The following DPY19L4 variants were observed in gnomAD, a reference collection of about 807,000 sequenced individuals.
DPY19L4 encodes the protein probable C-mannosyltransferase DPY19L4.
A neutral mutation model predicts 102.8 loss-of-function variants in DPY19L4; 97 were observed. The ratio of observed to expected loss-of-function variants is 0.94; its 90% CI spans 0.80 to 1.12. The LOEUF (loss-of-function observed/expected upper bound fraction) is 1.12, where lower values mean the gene tolerates loss of function less well. Ranked by LOEUF, DPY19L4 falls within the 50% of genes most tolerant of loss-of-function variation. DPY19L4 has a pLI of 0.00. For synonymous variants in DPY19L4, 252 were observed against 283.1 expected, an observed-to-expected ratio of 0.89 and a Z score of 1.10; for missense variants, 815 against 850.4, an observed-to-expected ratio of 0.96 and a Z score of 0.52.
At chr8:94,753,787 G>A (rs896898681) in intron 6 of DPY19L4, among the ~76,000 whole-genome samples, 4 of 152,088 alleles carry the variant, frequency 2.6e-5, no homozygotes, top group East Asian at 1.9e-4. Flanking sequence ...CAGGAGAATC[G>A]CTTGAACCTT....
In DPY19L4 at chr8:94,791,175, G is replaced by A. The variant is rs1039588945; in HGVS notation, c.*1265G>A. On this transcript the variant is annotated 3_prime_UTR_variant, in exon 19 of 19. Transcript: ENST00000414645. ...CATAATTCTCACTTGTTAAAGTGCTGCAAAAATTGCATTTTCAGTACTCTA... is the reference window on the plus strand; with the variant it reads ...CATAATTCTCACTTGTTAAAGTGCTACAAAAATTGCATTTTCAGTACTCTA... 1 of 152,028 alleles carries A rather than the reference G, an allele frequency of 6.6e-6. No homozygotes were observed. The highest frequency in any genetic ancestry group is 6.6e-5 in the Admixed American group (1 of 15,254). 9.4% of individuals were successfully genotyped at this position (152,028 alleles called of 1,614,324 possible).
intron 8 of DPY19L4, among the ~76,000 whole-genome samples, chr8:94,764,190 G>A (rs1442606503): frequency 6.6e-6 from 1 of 152,008 alleles, no homozygotes; most frequent in Non-Finnish European, 1.5e-5. Flanking sequence ...TTAATAACAG[G>A]GCAAACTAAG....
In DPY19L4 at chr8:94,737,052, A is replaced by T. The variant is rs1811217410; in HGVS notation, c.253-1317A>T. Among the ~76,000 whole-genome samples the T allele has an allele frequency of 2.0e-5, 3 of 152,316 alleles. No homozygotes were observed. In the South Asian group the frequency reaches 6.2e-4, roughly 32 times the overall value. On this transcript the variant is annotated intron_variant, in intron 3 of 18. Coordinates refer to ENST00000414645, the MANE Select transcript of DPY19L4 (RefSeq NM_181787.3). ...ATTATTGCCAGATTACTAAAAAGTT[A>T]AGTTCCTCATTAATGGGGCCACTAG...
intron 4 of DPY19L4, 147 bp from the exon 5 acceptor site, chr8:94,739,266 T>C (rs1234156763): frequency 5.1e-6 from 5 of 974,280 alleles, no homozygotes; most frequent in Non-Finnish European, 7.1e-6. Context: ...TTTATTGTGC[T>C]AAATTTTTAA....
At chr8:94,724,752 T>G (rs1474076802) in intron 1 of DPY19L4, among the ~76,000 whole-genome samples, 2 of 152,140 alleles carry the variant, frequency 1.3e-5, no homozygotes, top group Admixed American at 1.3e-4. Context: ...CACACCCGGC[T>G]GATTTTTCTA....
intron 1 of DPY19L4, among the ~76,000 whole-genome samples, chr8:94,721,451 T>A (rs1420256817): frequency 6.6e-6 from 1 of 152,256 alleles, no homozygotes; most frequent in Non-Finnish European, 1.5e-5. Flanking sequence ...TAAAAACAGC[T>A]TCAAAAACAA....
At chr8:94,744,078 C>G (rs1811563701) in intron 6 of DPY19L4, among the ~76,000 whole-genome samples, 1 of 152,108 alleles carries the variant, frequency 6.6e-6, no homozygotes, top group Non-Finnish European at 1.5e-5. Context: ...AACAAATCAC[C>G]CGAAATTTAA....
At chr8:94,746,428 A>G (rs1339772892) in intron 6 of DPY19L4, among the ~76,000 whole-genome samples, 2 of 152,250 alleles carry the variant, frequency 1.3e-5, no homozygotes, top group African/African-American at 4.8e-5. Flanking sequence ...TTGTAATAAT[A>G]TAAAAAATCA....
intron 6 of DPY19L4, 122 bp from the exon 7 acceptor site, chr8:94,755,914 C>A: frequency 9.8e-7 from 1 of 1,023,414 alleles, no homozygotes; most frequent in Non-Finnish European, 1.4e-6. Context: ...GTGGATCTGG[C>A]TATGCCTACC....
chr8:94,726,674 AT>A (rs1563569300), intron 2 of DPY19L4, among the ~76,000 whole-genome samples: 1 of 152,186 alleles, frequency 6.6e-6, no homozygotes, highest in Non-Finnish European at 1.5e-5. Context: ...TTGCGAAGGA[AT>A]AGTCCGTATT....
chr8:94,719,937 CGGAG>C lies in DPY19L4; in HGVS notation c.-53_-50del. 1.4e-6 allele frequency: 2 copies of C among 1,453,958 alleles called. No individual in the cohort carries two copies. Among genetic ancestry groups the C allele is most frequent in the Non-Finnish European group, 1.8e-6 (2 of 1,098,576 alleles). 90.1% of individuals were successfully genotyped at this position (1,453,958 alleles called of 1,614,324 possible). Reference sequence around the variant, plus strand: ...CCGGAGGCCGAGGGGTTCGGCGACGCGGAGGGAGGGAGAGTCTGGGCCGCGCGGG... The same window carrying C: ...CCGGAGGCCGAGGGGTTCGGCGACGCGGAGGGAGAGTCTGGGCCGCGCGGG... On this transcript the variant is annotated 5_prime_UTR_variant, in exon 1 of 19. Coordinates refer to ENST00000414645, the MANE Select transcript of DPY19L4 (RefSeq NM_181787.3).
intron 13 of DPY19L4, among the ~76,000 whole-genome samples, chr8:94,773,725 T>G (rs568328371): frequency 6.6e-6 from 1 of 151,888 alleles, no homozygotes; most frequent in South Asian, 2.1e-4. Context: ...CCACTGTGCC[T>G]GGCCTTGTTT....
chr8:94,730,664 G>T (rs1219737288), intron 2 of DPY19L4, among the ~76,000 whole-genome samples: 1 of 150,864 alleles, frequency 6.6e-6, no homozygotes. Flanking sequence ...AGAATCGCTT[G>T]AACCCAGGAG....
At chr8:94,731,222 T>C (rs1810939631) in intron 2 of DPY19L4, among the ~76,000 whole-genome samples, 1 of 152,168 alleles carries the variant, frequency 6.6e-6, no homozygotes, top group African/African-American at 2.4e-5. Context: ...TTCTAAGTGC[T>C]TTTGCCAAAC....
intron 6 of DPY19L4, among the ~76,000 whole-genome samples, chr8:94,747,465 C>A (rs1333913293): frequency 6.6e-6 from 1 of 151,946 alleles, no homozygotes; most frequent in East Asian, 1.9e-4. Flanking sequence ...GATGTTAACA[C>A]CACACGAAAG....
chr8:94,777,890 T>C (rs1813259641), intron 14 of DPY19L4, 104 bp downstream of exon 14: 5 of 1,333,270 alleles, frequency 3.8e-6, no homozygotes, highest in Middle Eastern at 4.4e-4. Context: ...GTAAATTACA[T>C]GATGACTTAC....
chr8:94,764,711 A>G (rs1166381744), intron 8 of DPY19L4, among the ~76,000 whole-genome samples: 1 of 62,060 alleles, frequency 1.6e-5, no homozygotes, highest in Non-Finnish European at 3.0e-5. Flanking sequence ...ATATATATAT[A>G]TATATATTTT....
chr8:94,734,416 T>C (rs1811105996), intron 2 of DPY19L4, among the ~76,000 whole-genome samples: 1 of 152,190 alleles, frequency 6.6e-6, no homozygotes, highest in Non-Finnish European at 1.5e-5. Flanking sequence ...TTGGCTTTGA[T>C]ACTTTCTCAA....
At chr8:94,765,922 T>C (rs1054112771) in intron 10 of DPY19L4, 113 bp downstream of exon 10, 3 of 659,914 alleles carry the variant, frequency 4.5e-6, no homozygotes, top group East Asian at 3.1e-5. Flanking sequence ...AACAGTATAA[T>C]TTTGAGTTAA....
Sources: gnomAD v4.1 joint callset for allele counts (sites outside exome capture counted in the v4.1 genomes callset) on GRCh38, gnomAD v4.1.1 for gene constraint, MANE v1.5 for transcripts, NCBI Gene and HGNC (gene_info 2026-07-23, HGNC 2026-07-21) for gene names.